The following PEX7 variants were observed in gnomAD, a reference collection of about 807,000 sequenced individuals.
PEX7 encodes the protein peroxisomal biogenesis factor 7, also known as PTS2 receptor.
In PEX7, 34 loss-of-function variants were observed where a neutral mutation model predicts 47.5. The observed-to-expected ratio is 0.72, with a 90% CI of 0.54 to 0.95. The LOEUF (loss-of-function observed/expected upper bound fraction) is 0.95, where lower values mean the gene tolerates loss of function less well. Ranked by LOEUF, PEX7 falls within the 40% of genes least tolerant of loss-of-function variation. PEX7 has a pLI of 0.00. For missense variants in PEX7, 394 were observed against 400.3 expected, an observed-to-expected ratio of 0.98 and a Z score of 0.13; for synonymous variants, 141 against 148.8, an observed-to-expected ratio of 0.95 and a Z score of 0.38.
chr6:136,901,661 C>A (rs1376112766), intron 9 of PEX7: 1 of 152,250 alleles, frequency 6.6e-6, no homozygotes, highest in Non-Finnish European at 1.5e-5. Flanking sequence ...GTTGCAAGGC[C>A]AGCCCAGATT....
At chr6:136,870,045 A>G (rs927752261) in intron 7 of PEX7, 42 bp downstream of exon 7, 2 of 1,201,250 alleles carry the variant, frequency 1.7e-6, no homozygotes, top group South Asian at 2.6e-5. Context: ...ATAAAATTAT[A>G]TAAATATAAT....
At chr6:136,824,909 C>T (rs1386865889) in intron 1 of PEX7, among the ~76,000 whole-genome samples, 1 of 152,054 alleles carries the variant, frequency 6.6e-6, no homozygotes, top group Non-Finnish European at 1.5e-5. Context: ...CAGAGTAGGC[C>T]CTTAAGTATT....
chr6:136,846,227 T>C (rs1562735035), intron 5 of PEX7, 46 bp downstream of exon 5: 10 of 1,215,640 alleles, frequency 8.2e-6, no homozygotes, highest in Non-Finnish European at 1.1e-5. Context: ...TAGTGAATGG[T>C]GGCCTTGTTT....
intron 3 of PEX7, among the ~76,000 whole-genome samples, chr6:136,837,464 A>T (rs999983247): frequency 3.3e-5 from 5 of 151,942 alleles, no homozygotes; most frequent in Non-Finnish European, 7.4e-5. Flanking sequence ...TAGTTATATA[A>T]ACTTGTGATT....
At chr6:136,853,008 A>G (rs1195817780) in intron 5 of PEX7, among the ~76,000 whole-genome samples, 8 of 146,962 alleles carry the variant, frequency 5.4e-5, no homozygotes, top group Admixed American at 2.1e-4. Flanking sequence ...ATAATGCCAC[A>G]TATCTACAAC....
intron 6 of PEX7, among the ~76,000 whole-genome samples, chr6:136,869,687 C>T (rs1329405662): frequency 1.3e-5 from 2 of 152,146 alleles, no homozygotes; most frequent in Non-Finnish European, 2.9e-5. Context: ...ATATTGAGTT[C>T]TTTTTCTCAC....
At chr6:136,824,378 T>C (rs1774149984) in intron 1 of PEX7, among the ~76,000 whole-genome samples, 1 of 152,080 alleles carries the variant, frequency 6.6e-6, no homozygotes, top group South Asian at 2.1e-4. Context: ...TTTTTGATTT[T>C]TTATTTTTGT....
intron 3 of PEX7, among the ~76,000 whole-genome samples, chr6:136,840,170 T>C (rs938141149): frequency 6.6e-6 from 1 of 152,182 alleles, no homozygotes; most frequent in African/African-American, 2.4e-5. Flanking sequence ...TGAAATATTT[T>C]ATACATTATA....
intron 5 of PEX7, chr6:136,855,700 T>A: frequency 2.9e-6 from 1 of 344,212 alleles, no homozygotes; most frequent in South Asian, 2.6e-5. Flanking sequence ...TGTTTTCAGT[T>A]TGTTTTCTCT....
At chr6:136,909,164 T>A (rs1469707274) in intron 9 of PEX7, among the ~76,000 whole-genome samples, 2 of 152,242 alleles carry the variant, frequency 1.3e-5, no homozygotes, top group Non-Finnish European at 2.9e-5. Context: ...AGGTTCTTAA[T>A]AAGTCTTTGT....
At chr6:136,840,703 G>T (rs1233649547) in intron 3 of PEX7, among the ~76,000 whole-genome samples, 3 of 152,188 alleles carry the variant, frequency 2.0e-5, no homozygotes, top group Non-Finnish European at 4.4e-5. Context: ...CCTCTTAAGA[G>T]AAATCATAGA....
chr6:136,876,875 A>G (rs36066822), intron 8 of PEX7, among the ~76,000 whole-genome samples: 14,919 of 152,212 alleles, frequency 0.098, 828 homozygotes, highest in Admixed American at 0.14. Context: ...TGCTGGGTCA[A>G]ATGGTGTTTC....
At chr6:136,865,084 T>C (rs1421631253) in intron 5 of PEX7, among the ~76,000 whole-genome samples, 1 of 152,242 alleles carries the variant, frequency 6.6e-6, no homozygotes, top group Non-Finnish European at 1.5e-5. Flanking sequence ...ATGTAAAACA[T>C]TTAATTGGGT....
chr6:136,891,604 T>C (rs1208718050), intron 8 of PEX7, among the ~76,000 whole-genome samples: 1 of 152,074 alleles, frequency 6.6e-6, no homozygotes, highest in African/African-American at 2.4e-5. Flanking sequence ...TCAGTAAATA[T>C]TTTTGAGTGA....
intron 5 of PEX7, among the ~76,000 whole-genome samples, chr6:136,847,352 G>C (rs1774624758): frequency 6.6e-6 from 1 of 151,582 alleles, no homozygotes; most frequent in Admixed American, 6.6e-5. Context: ...AGTTTAATTA[G>C]ATCCCATTTG....
At chr6:136,890,191 T>C (rs1775530618) in intron 8 of PEX7, among the ~76,000 whole-genome samples, 1 of 152,238 alleles carries the variant, frequency 6.6e-6, no homozygotes, top group East Asian at 1.9e-4. Flanking sequence ...ACCGTAATTA[T>C]TCATCTATTT....
chr6:136,878,497 G>A (rs1023849348), intron 8 of PEX7, among the ~76,000 whole-genome samples: 4 of 152,208 alleles, frequency 2.6e-5, no homozygotes, highest in African/African-American at 7.2e-5. Flanking sequence ...CTAGTTTATT[G>A]AGAGTTTTTA....
At chr6:136,904,351 C>T (rs1313069951) in intron 9 of PEX7, among the ~76,000 whole-genome samples, 1 of 152,114 alleles carries the variant, frequency 6.6e-6, no homozygotes, top group Admixed American at 6.5e-5. Flanking sequence ...AAAACATTTC[C>T]CAGTTCCAGC....
At chr6:136,829,861 T>G in intron 3 of PEX7, 1 of 608,190 alleles carries the variant, frequency 1.6e-6, no homozygotes, top group Non-Finnish European at 2.9e-6. Context: ...CATTTGAGCA[T>G]GGGAGGTGGA....
Sources: gnomAD v4.1 joint callset for allele counts (sites outside exome capture counted in the v4.1 genomes callset) on GRCh38, gnomAD v4.1.1 for gene constraint, MANE v1.5 for transcripts, NCBI Gene and HGNC (gene_info 2026-07-23, HGNC 2026-07-21) for gene names.